The following ANO1 variants were observed in gnomAD, a reference collection of about 807,000 sequenced individuals.
The protein encoded by ANO1 is anoctamin-1.
ANO1 carries 59 observed loss-of-function variants against 124.0 expected under a neutral mutation model. The observed-to-expected ratio is 0.48, with a 90% CI of 0.39 to 0.59. ANO1 has a LOEUF of 0.59. ANO1 is among the 20% of genes least tolerant of loss of function. The pLI, the probability that ANO1 is intolerant of heterozygous loss-of-function variation, is 0.00. For missense variants in ANO1, 1,059 were observed against 1,328.0 expected (o/e 0.80, Z 3.15); for synonymous variants, 529 against 532.0 (o/e 0.99, Z 0.08).
At chr11:70,163,204 A>G in intron 18 of ANO1, 79 bp from the exon 19 acceptor site, 1 of 1,489,996 alleles carries the variant, frequency 6.7e-7, no homozygotes, top group Non-Finnish European at 9.1e-7. Context: ...CACACGCTGC[A>G]CAGTCCCCAC....
At position 70,095,427 on chromosome 11, in the gene ANO1, A is replaced by AAAGAAAG. The variant is rs10667749; in HGVS notation, c.441+7345_441+7346insGAAAGAA. 3.6e-3 allele frequency among the ~76,000 whole-genome samples: 109 copies of AAAGAAAG among 30,674 alleles called. 12 individuals carry two copies. Among genetic ancestry groups the AAAGAAAG allele is most frequent in the Middle Eastern group, 0.031 (1 of 32 alleles). 20.1% of individuals were successfully genotyped at this position (30,674 alleles called of 152,430 possible). ...GAAAGAAAGAAAGAAAGAAAGAAAG[A>AAAGAAAG]AAAGAAAAGAAAGAAAGAGGGAAAG... On this transcript the variant is annotated intron_variant, in intron 2 of 25. Coordinates refer to ENST00000355303, the MANE Select transcript of ANO1 (RefSeq NM_018043.7).
intron 20 of ANO1, among the ~76,000 whole-genome samples, chr11:70,165,879 G>T (rs2048236871): frequency 6.6e-6 from 1 of 152,130 alleles, no homozygotes; most frequent in South Asian, 2.1e-4. Flanking sequence ...AGTTAGCCAG[G>T]TGTGCTGGTG....
chr11:70,162,096 C>G (rs1565265146), intron 18 of ANO1, among the ~76,000 whole-genome samples: 2 of 147,962 alleles, frequency 1.4e-5, no homozygotes, highest in Non-Finnish European at 3.0e-5. Flanking sequence ...AGTGAGGACC[C>G]GGGAGTGAGG....
chr11:70,147,325 G>C (rs1005027318), intron 11 of ANO1, among the ~76,000 whole-genome samples: 1 of 152,118 alleles, frequency 6.6e-6, no homozygotes, highest in Non-Finnish European at 1.5e-5. Flanking sequence ...AGGAGGCAGA[G>C]ACCTCCCCGC....
intron 7 of ANO1, 75 bp downstream of exon 7, chr11:70,111,837 G>T: frequency 7.0e-7 from 1 of 1,425,198 alleles, no homozygotes; most frequent in East Asian, 2.3e-5. Context: ...ACCCCCCCGG[G>T]AGCTGCAATT....
upstream of ANO1, among the ~76,000 whole-genome samples, chr11:70,073,901 C>T (rs1395342832): frequency 7.0e-6 from 1 of 142,824 alleles, no homozygotes; most frequent in Non-Finnish European, 1.5e-5. Context: ...GAGCTTCGGC[C>T]GGCAGTTTCC....
intron 8 of ANO1, 139 bp downstream of exon 8, chr11:70,116,638 C>A: frequency 2.8e-6 from 2 of 708,748 alleles, no homozygotes; most frequent in South Asian, 1.7e-5. Context: ...GGCTGAGAAG[C>A]GGGTGTCCCC....
chr11:70,189,310 C>G lies in ANO1; in HGVS notation c.*1306C>G, dbSNP rs762940831. On this transcript the variant is annotated 3_prime_UTR_variant, in exon 26 of 26. Coordinates refer to ENST00000355303, the MANE Select transcript of ANO1 (RefSeq NM_018043.7). ...AACTGTGGTCAAAGTTCATAGGTGTCGTACATTTCCATTATTTGCTAAAAT... is the reference window on the plus strand; with the variant it reads ...AACTGTGGTCAAAGTTCATAGGTGTGGTACATTTCCATTATTTGCTAAAAT... The G allele has an allele frequency of 6.6e-6, 1 of 152,604 alleles. No individual in the cohort carries two copies. Among genetic ancestry groups the G allele is most frequent in the Admixed American group, 6.5e-5 (1 of 15,286 alleles). The allele number at this position is 152,604 out of a possible 1,614,324, so 9.5% of individuals were successfully genotyped here. A position where few individuals can be genotyped will look rare whatever the true frequency, so the allele number is the denominator to read the frequency against.
Position 70,153,585 on chromosome 11 carries a change from T to G in ANO1, c.1425+457T>G, listed in dbSNP as rs1369518340. On this transcript the variant is annotated intron_variant, in intron 14 of 25. Transcript: ENST00000355303. Reference sequence around the variant, plus strand: ...CACCCCTGAGCAAATGGCCAGTTCCTTGTTTCACTCAGACTGTGAGAATGA... The same window carrying G: ...CACCCCTGAGCAAATGGCCAGTTCCGTGTTTCACTCAGACTGTGAGAATGA... Among the ~76,000 whole-genome samples, 9 of 152,336 alleles carry G rather than the reference T, an allele frequency of 5.9e-5. No individual in the cohort carries two copies. In the South Asian group the frequency reaches 1.0e-3, roughly 18 times the overall value.
At chr11:70,105,011 G>GC (rs1565204445) in intron 4 of ANO1, among the ~76,000 whole-genome samples, 1 of 152,138 alleles carries the variant, frequency 6.6e-6, no homozygotes, top group Admixed American at 6.5e-5. Flanking sequence ...CCCAAGCCCA[G>GC]CCCTCTCCTC....
chr11:70,073,681 GC>G (rs758814876), upstream of ANO1, among the ~76,000 whole-genome samples: 11 of 152,116 alleles, frequency 7.2e-5, no homozygotes, highest in Non-Finnish European at 1.2e-4. Flanking sequence ...GGAGGAGGTG[GC>G]CTAGCCAGGC....
intron 1 of ANO1, among the ~76,000 whole-genome samples, chr11:70,070,973 C>T (rs187342216): frequency 7.4e-4 from 112 of 152,276 alleles, no homozygotes; most frequent in Non-Finnish European, 1.4e-3. Context: ...CTTACCCAAC[C>T]GCATCGCTTC....
At chr11:69,976,414 G>T in the ANO1 span, among the ~76,000 whole-genome samples, 3 of 151,530 alleles carry the variant, frequency 2.0e-5, no homozygotes, top group Non-Finnish European at 2.9e-5. Flanking sequence ...GGCTGAGGCA[G>T]GAGAATGGCG....
chr11:70,177,251 C>A (rs7926071), intron 22 of ANO1, among the ~76,000 whole-genome samples: 17,546 of 152,304 alleles, frequency 0.12, 1,103 homozygotes, highest in Middle Eastern at 0.16. Flanking sequence ...CTCAGCACCC[C>A]ACTTCGGAGG....
chr11:69,973,003 G>A, the ANO1 span, among the ~76,000 whole-genome samples: 107 of 149,632 alleles, frequency 7.2e-4, no homozygotes, highest in Admixed American at 2.0e-3. Context: ...TCCACCTCCC[G>A]GGTTCAAGCA....
intron 2 of ANO1, among the ~76,000 whole-genome samples, chr11:70,092,918 C>G (rs1461210869): frequency 6.6e-6 from 1 of 152,140 alleles, no homozygotes; most frequent in East Asian, 1.9e-4. Context: ...GCCCAGAGAC[C>G]TCAGGACAGC....
intron 1 of ANO1, among the ~76,000 whole-genome samples, chr11:70,060,764 A>G (rs1453547519): frequency 6.6e-6 from 1 of 152,172 alleles, no homozygotes; most frequent in Non-Finnish European, 1.5e-5. Context: ...ACTTGTTCTG[A>G]TAGAAAGGCA....
chr11:70,017,921 G>A (rs1252110199), intron 1 of ANO1, among the ~76,000 whole-genome samples: 7 of 152,116 alleles, frequency 4.6e-5, no homozygotes, highest in African/African-American at 1.7e-4. Flanking sequence ...TGCAACTCCA[G>A]CCCCCTTTCC....
upstream of ANO1, among the ~76,000 whole-genome samples, chr11:69,982,040 G>T (rs1591014625): frequency 6.6e-6 from 1 of 152,138 alleles, no homozygotes; most frequent in African/African-American, 2.4e-5. Flanking sequence ...GGGGGGAGAT[G>T]GGGAGTGACT....
Sources: gnomAD v4.1 joint callset for allele counts (sites outside exome capture counted in the v4.1 genomes callset) on GRCh38, gnomAD v4.1.1 for gene constraint, MANE v1.5 for transcripts, NCBI Gene and HGNC (gene_info 2026-07-23, HGNC 2026-07-21) for gene names.